MGMT: variants seen among roughly 807,000 people sequenced by gnomAD.
MGMT encodes methylated-DNA--protein-cysteine methyltransferase.
In MGMT, 14 loss-of-function variants were observed where a neutral mutation model predicts 15.9. The ratio of observed to expected loss-of-function variants is 0.88; its 90% CI spans 0.58 to 1.37. MGMT has a LOEUF of 1.37. Among genes scored for constraint, MGMT ranks in the 40% most tolerant of loss-of-function variants. The probability of loss-of-function intolerance (pLI) is 0.00; values close to 1 mark genes in which losing one functional copy is unlikely to be tolerated. For missense variants in MGMT, 282 were observed against 268.1 expected (o/e 1.05, Z -0.36); for synonymous variants, 130 against 118.2 (o/e 1.10, Z -0.65).
At chr10:129,524,712 C>T (rs1845850253) in intron 1 of MGMT, among the ~76,000 whole-genome samples, 1 of 151,158 alleles carries the variant, frequency 6.6e-6, no homozygotes, top group African/African-American at 2.4e-5. Flanking sequence ...CTGCCTCAGC[C>T]TCCCGAGTAG....
At chr10:129,500,814 G>A (rs1295603566) in intron 1 of MGMT, among the ~76,000 whole-genome samples, 1 of 152,182 alleles carries the variant, frequency 6.6e-6, no homozygotes, top group African/African-American at 2.4e-5. Context: ...GCCTCCCACA[G>A]TGCTGGGATT....
At chr10:129,694,849 A>G (rs1848012126) in intron 2 of MGMT, among the ~76,000 whole-genome samples, 1 of 152,172 alleles carries the variant, frequency 6.6e-6, no homozygotes, top group East Asian at 1.9e-4. Context: ...TCATCCTTTA[A>G]ACTGAAAACC....
intron 2 of MGMT, among the ~76,000 whole-genome samples, chr10:129,569,289 G>A (rs76009187): frequency 0.052 from 7,911 of 152,252 alleles, 273 homozygotes; most frequent in Middle Eastern, 0.099. Flanking sequence ...TGGTGGGGGC[G>A]GGGGTGAGGG....
intron 3 of MGMT, among the ~76,000 whole-genome samples, chr10:129,742,666 G>C (rs1205505010): frequency 2.7e-5 from 3 of 110,560 alleles, no homozygotes; most frequent in African/African-American, 7.2e-5. Context: ...AGTGCCCCAC[G>C]GCTGCAGCGG....
intron 2 of MGMT, among the ~76,000 whole-genome samples, chr10:129,666,102 G>A (rs1488849380): frequency 1.3e-5 from 2 of 151,982 alleles, no homozygotes; most frequent in Non-Finnish European, 2.9e-5. Context: ...GGGAGAGAAA[G>A]AAAAAACAGT....
At chr10:129,628,432 G>T (rs952418844) in intron 2 of MGMT, among the ~76,000 whole-genome samples, 3 of 152,194 alleles carry the variant, frequency 2.0e-5, no homozygotes, top group Non-Finnish European at 4.4e-5. Flanking sequence ...GGATCGCTCG[G>T]TCGCTGGGCA....
intron 3 of MGMT, among the ~76,000 whole-genome samples, chr10:129,743,860 G>A (rs947383228): frequency 1.3e-5 from 2 of 152,250 alleles, no homozygotes; most frequent in Non-Finnish European, 2.9e-5. Flanking sequence ...TCCTAATGGC[G>A]GAAGCAGCCA....
At chr10:129,480,212 A>G (rs773721836) in intron 1 of MGMT, among the ~76,000 whole-genome samples, 29 of 152,172 alleles carry the variant, frequency 1.9e-4, no homozygotes, top group Non-Finnish European at 1.8e-4. Context: ...TTAAAAGGGA[A>G]TAGTGTTTTA....
intron 2 of MGMT, among the ~76,000 whole-genome samples, chr10:129,674,497 A>G (rs533149938): frequency 1.3e-5 from 2 of 152,246 alleles, no homozygotes; most frequent in Middle Eastern, 3.4e-3. Flanking sequence ...CTGACCTCTT[A>G]ATGGCCACAT....
At chr10:129,758,282 G>C (rs116597790) in intron 3 of MGMT, among the ~76,000 whole-genome samples, 1 of 152,216 alleles carries the variant, frequency 6.6e-6, no homozygotes, top group South Asian at 2.1e-4. Flanking sequence ...TCAGAACATC[G>C]TTCCTGCCCG....
At chr10:129,558,736 G>A (rs988082684) in intron 2 of MGMT, among the ~76,000 whole-genome samples, 5 of 152,164 alleles carry the variant, frequency 3.3e-5, no homozygotes, top group East Asian at 1.9e-4. Flanking sequence ...AGGCAGCCCC[G>A]CTCCACACCA....
At chr10:129,561,584 T>C (rs1846279576) in intron 2 of MGMT, among the ~76,000 whole-genome samples, 1 of 152,238 alleles carries the variant, frequency 6.6e-6, no homozygotes, top group Admixed American at 6.5e-5. Context: ...TCTTGTCTGA[T>C]GGTGGAGGTC....
At chr10:129,657,413 G>C (rs994821825) in intron 2 of MGMT, among the ~76,000 whole-genome samples, 1 of 151,430 alleles carries the variant, frequency 6.6e-6, no homozygotes, top group Non-Finnish European at 1.5e-5. Context: ...GGGGGTGGGG[G>C]GGGGAGCAAC....
chr10:129,737,297 A>G (rs1285879469), intron 3 of MGMT, among the ~76,000 whole-genome samples: 1 of 151,974 alleles, frequency 6.6e-6, no homozygotes, highest in African/African-American at 2.4e-5. Context: ...GCTTCATTTC[A>G]TTCATTTCAT....
At chr10:129,525,332 A>C (rs1415918844) in intron 1 of MGMT, among the ~76,000 whole-genome samples, 1 of 152,206 alleles carries the variant, frequency 6.6e-6, no homozygotes, top group Non-Finnish European at 1.5e-5. Flanking sequence ...GACAGGTGCC[A>C]GTTTATATCT....
At chr10:129,657,353 A>G (rs968826133) in intron 2 of MGMT, among the ~76,000 whole-genome samples, 5 of 150,734 alleles carry the variant, frequency 3.3e-5, no homozygotes, top group African/African-American at 1.2e-4. Context: ...AGCTTCCTTT[A>G]ATTAATGTAA....
At chr10:129,724,965 G>A (rs1848415178) in intron 3 of MGMT, among the ~76,000 whole-genome samples, 2 of 152,220 alleles carry the variant, frequency 1.3e-5, no homozygotes, top group African/African-American at 4.8e-5. Flanking sequence ...GTTTGCACCT[G>A]GAGGGCAGGG....
At chr10:129,712,774 T>C (rs1848247090) in intron 3 of MGMT, among the ~76,000 whole-genome samples, 1 of 152,086 alleles carries the variant, frequency 6.6e-6, no homozygotes, top group Admixed American at 6.5e-5. Context: ...CCCTTTAAGA[T>C]TAGAAATCCT....
At chr10:129,720,333 G>A (rs927937369) in intron 3 of MGMT, among the ~76,000 whole-genome samples, 12 of 152,238 alleles carry the variant, frequency 7.9e-5, no homozygotes, top group Non-Finnish European at 1.8e-4. Flanking sequence ...TGCTGCAAGA[G>A]GGTAAGCATG....
Sources: allele counts gnomAD v4.1 joint callset (sites outside exome capture counted in the v4.1 genomes callset), GRCh38; gene constraint gnomAD v4.1.1; transcripts MANE v1.5; gene names NCBI Gene and HGNC (gene_info 2026-07-23, HGNC 2026-07-21).